RAB38: variants seen among roughly 807,000 people sequenced by gnomAD.
RAB38 encodes the protein ras-related protein Rab-38.
In RAB38, 15 loss-of-function variants were observed where a neutral mutation model predicts 18.4. The ratio of observed to expected loss-of-function variants is 0.82; its 90% CI spans 0.55 to 1.26. RAB38 has a LOEUF of 1.26. Among genes scored for constraint, RAB38 ranks in the 50% most tolerant of loss-of-function variants. RAB38 has a pLI of 0.00. For missense variants in RAB38, 294 were observed against 267.4 expected, an observed-to-expected ratio of 1.10 and a Z score of -0.69; for synonymous variants, 101 against 104.4, an observed-to-expected ratio of 0.97 and a Z score of 0.20.
chr11:88,070,192 G>C, the RAB38 span, among the ~76,000 whole-genome samples: 1 of 152,156 alleles, frequency 6.6e-6, no homozygotes, highest in Non-Finnish European at 1.5e-5. Flanking sequence ...CCTGAGGCCA[G>C]TGAGACCACA....
chr11:88,148,610 A>G lies in RAB38; in HGVS notation c.483+1065T>C, dbSNP rs79516623. On this transcript the variant is annotated intron_variant, in intron 2 of 2. Transcript: ENST00000243662. ...AGCCTATTAGAATGATGACCATTCC[A>G]GCAATATTTTCAAACCATTTGCTAA... 4.6e-5 allele frequency among the ~76,000 whole-genome samples: 7 copies of G among 152,320 alleles called. No individual in the cohort carries two copies. In the East Asian group the frequency reaches 1.3e-3, roughly 29 times the overall value.
chr11:88,020,944 A>G, the RAB38 span, among the ~76,000 whole-genome samples: 2 of 152,138 alleles, frequency 1.3e-5, no homozygotes, highest in Non-Finnish European at 2.9e-5. Context: ...GAGATACAAC[A>G]AAAGCAGTAT....
chr11:88,098,020 A>C, the RAB38 span: 1 of 152,062 alleles, frequency 6.6e-6, no homozygotes, highest in Non-Finnish European at 1.5e-5. Context: ...TTGATTTATC[A>C]AGGGGAATGG....
the RAB38 span, among the ~76,000 whole-genome samples, chr11:88,017,626 AC>A: frequency 4.9e-4 from 73 of 149,324 alleles, no homozygotes; most frequent in African/African-American, 1.8e-3. Flanking sequence ...TTGTTTTAAG[AC>A]CCCTGCTTTC....
rs749958215 is a variant in RAB38, at chr11:88,113,751, T to C, written c.*237A>G. 3 of 492,720 alleles carry C rather than the reference T, an allele frequency of 6.1e-6. No homozygotes were observed. Among genetic ancestry groups the C allele is most frequent in the African/African-American group, 5.7e-5 (3 of 52,378 alleles). 30.5% of individuals were successfully genotyped at this position (492,720 alleles called of 1,614,324 possible). On this transcript the variant is annotated 3_prime_UTR_variant, in exon 3 of 3. Transcript: ENST00000243662. ...CCCTGCAGGATTTTGGTCAGCTACA[T>C]GACAGAAGTTTGTAACAGACTAAAT...
chr11:88,069,426 G>A, the RAB38 span, among the ~76,000 whole-genome samples: 2 of 152,252 alleles, frequency 1.3e-5, no homozygotes, highest in African/African-American at 4.8e-5. Context: ...GGGCTGAGGA[G>A]TGCAGGCACA....
At chr11:87,973,830 G>A in the RAB38 span, among the ~76,000 whole-genome samples, 2 of 151,970 alleles carry the variant, frequency 1.3e-5, no homozygotes, top group African/African-American at 2.4e-5. Context: ...AAGAAGTCTT[G>A]GTGAACAACT....
chr11:87,804,140 C>T, the RAB38 span, among the ~76,000 whole-genome samples: 1 of 152,194 alleles, frequency 6.6e-6, no homozygotes, highest in Non-Finnish European at 1.5e-5. Flanking sequence ...TATTTACATC[C>T]AGGTAAATTG....
At chr11:87,902,184 C>T in the RAB38 span, among the ~76,000 whole-genome samples, 4,067 of 151,294 alleles carry the variant, frequency 0.027, 264 homozygotes, top group Admixed American at 0.16. Flanking sequence ...AACCCAAATG[C>T]CAGTGTTTTA....
chr11:88,031,871 A>T, the RAB38 span, among the ~76,000 whole-genome samples: 2 of 152,188 alleles, frequency 1.3e-5, no homozygotes, highest in African/African-American at 4.8e-5. Flanking sequence ...CAGAATTGGA[A>T]AAAACTACTT....
At chr11:87,889,499 AATG>A in the RAB38 span, among the ~76,000 whole-genome samples, 7 of 151,692 alleles carry the variant, frequency 4.6e-5, no homozygotes, top group East Asian at 2.0e-4. Context: ...TATCAATAAT[AATG>A]ATAATAATTA....
intron 1 of RAB38, among the ~76,000 whole-genome samples, chr11:88,171,839 T>C (rs1368569356): frequency 6.6e-6 from 1 of 152,226 alleles, no homozygotes; most frequent in Non-Finnish European, 1.5e-5. Context: ...AAGTGTGAAC[T>C]TTTTGTTTTC....
the RAB38 span, among the ~76,000 whole-genome samples, chr11:88,040,300 T>G: frequency 9.9e-5 from 15 of 152,208 alleles, no homozygotes; most frequent in African/African-American, 2.2e-4. Context: ...CCTCTCCCTG[T>G]GTCCTCACAT....
At chr11:87,930,130 G>A in the RAB38 span, among the ~76,000 whole-genome samples, 1 of 151,962 alleles carries the variant, frequency 6.6e-6, no homozygotes, top group African/African-American at 2.4e-5. Context: ...GATCCCTGAG[G>A]AATCGCCACA....
At chr11:87,942,057 C>G in the RAB38 span, among the ~76,000 whole-genome samples, 220 of 152,288 alleles carry the variant, frequency 1.4e-3, no homozygotes, top group African/African-American at 5.1e-3. Flanking sequence ...TGGTGCCCAA[C>G]CTGACTGTTG....
chr11:88,102,432 T>A, the RAB38 span, among the ~76,000 whole-genome samples: 375 of 152,120 alleles, frequency 2.5e-3, 3 homozygotes, highest in African/African-American at 8.6e-3. Flanking sequence ...CAAAGGAATA[T>A]GGGCAATACT....
At chr11:87,904,088 T>C in the RAB38 span, among the ~76,000 whole-genome samples, 1 of 151,774 alleles carries the variant, frequency 6.6e-6, no homozygotes, top group South Asian at 2.1e-4. Context: ...GTTATTGGTT[T>C]ACAGTTTTAA....
At chr11:87,939,268 G>A in the RAB38 span, among the ~76,000 whole-genome samples, 2 of 152,026 alleles carry the variant, frequency 1.3e-5, no homozygotes, top group South Asian at 2.1e-4. Context: ...GTTATGGGTA[G>A]ATAAAATCCA....
At chr11:88,018,007 C>T in the RAB38 span, among the ~76,000 whole-genome samples, 117,069 of 151,798 alleles carry the variant, frequency 0.77, 45,646 homozygotes, top group African/African-American at 0.88. Context: ...TCTTGTCTGC[C>T]GCCGTATGAG....
Sources: allele counts gnomAD v4.1 joint callset (sites outside exome capture counted in the v4.1 genomes callset), GRCh38; gene constraint gnomAD v4.1.1; transcripts MANE v1.5; gene names NCBI Gene and HGNC (gene_info 2026-07-23, HGNC 2026-07-21).